ZNF273: variants seen among roughly 807,000 people sequenced by gnomAD.
ZNF273 encodes zinc finger protein 273.
ZNF273 carries 11 observed loss-of-function variants against 14.9 expected under a neutral mutation model. That is an observed-to-expected ratio of 0.74 (90% CI 0.46 to 1.22). ZNF273 has a LOEUF of 1.22. ZNF273 is among the 50% of genes most tolerant of loss of function. The pLI is 0.00. For missense variants in ZNF273, 577 were observed against 660.6 expected (o/e 0.87, Z 1.39); for synonymous variants, 199 against 223.9 (o/e 0.89, Z 0.99).
At chr7:64,936,295 A>C in the ZNF273 span, among the ~76,000 whole-genome samples, 1 of 152,262 alleles carries the variant, frequency 6.6e-6, no homozygotes, top group African/African-American at 2.4e-5. Context: ...AGATTCAGTA[A>C]GTATCTAGTC....
intron 1 of ZNF273, among the ~76,000 whole-genome samples, chr7:64,904,577 G>T (rs921961155): frequency 1.3e-5 from 2 of 152,152 alleles, no homozygotes; most frequent in East Asian, 1.9e-4. Flanking sequence ...ACTCTGGCTT[G>T]CAGTAAAATA....
chr7:64,879,215 A>G (rs1044080300), intron 2 of ZNF273, among the ~76,000 whole-genome samples: 2 of 152,136 alleles, frequency 1.3e-5, no homozygotes, highest in Non-Finnish European at 2.9e-5. Flanking sequence ...TTTCAGAGTC[A>G]AAAGAGACTG....
chr7:64,901,118 T>C (rs1301457402), upstream of ZNF273, among the ~76,000 whole-genome samples: 1 of 152,114 alleles, frequency 6.6e-6, no homozygotes, highest in East Asian at 1.9e-4. Context: ...TTCTCATACC[T>C]TAGCCTCCCG....
chr7:64,915,445 T>C (rs972758413), intron 1 of ZNF273, among the ~76,000 whole-genome samples: 1 of 152,220 alleles, frequency 6.6e-6, no homozygotes, highest in East Asian at 1.9e-4. Flanking sequence ...GCATTGTTTA[T>C]GTAGATTATA....
intron 1 of ZNF273, chr7:64,888,496 G>A: frequency 1.0e-6 from 1 of 985,866 alleles, no homozygotes; most frequent in Non-Finnish European, 1.2e-6. Flanking sequence ...ATGGGCCCAC[G>A]AATACCCTAT....
intron 1 of ZNF273, among the ~76,000 whole-genome samples, chr7:64,911,955 C>G (rs1389783517): frequency 6.6e-6 from 1 of 152,148 alleles, no homozygotes; most frequent in Non-Finnish European, 1.5e-5. Flanking sequence ...CAAAAAACTT[C>G]TTGATTCCTG....
At chr7:64,895,492 C>T (rs1792315677) in intron 3 of ZNF273, among the ~76,000 whole-genome samples, 1 of 152,096 alleles carries the variant, frequency 6.6e-6, no homozygotes, top group Non-Finnish European at 1.5e-5. Context: ...GCCTGTATGA[C>T]TTTTCTTTCC....
chr7:64,886,192 C>T (rs536422589), intron 1 of ZNF273, among the ~76,000 whole-genome samples: 4 of 152,366 alleles, frequency 2.6e-5, no homozygotes, highest in East Asian at 3.9e-4. Flanking sequence ...ACAGGCCCAG[C>T]TCAGCACACA....
At chr7:64,900,778 T>A (rs896192570), upstream of ZNF273, among the ~76,000 whole-genome samples, 1 of 152,212 alleles carries the variant, frequency 6.6e-6, no homozygotes, top group Non-Finnish European at 1.5e-5. Context: ...TCATACCCTA[T>A]GTACATCAGA....
At chr7:64,936,678 A>C in the ZNF273 span, among the ~76,000 whole-genome samples, 1 of 152,248 alleles carries the variant, frequency 6.6e-6, no homozygotes, top group Non-Finnish European at 1.5e-5. Flanking sequence ...CTTGAATGAG[A>C]TAAAAGTCTT....
exon 2 of ZNF273, chr7:64,888,664 C>A: frequency 4.1e-6 from 4 of 985,740 alleles, no homozygotes; most frequent in Non-Finnish European, 4.8e-6. Context: ...ACCAGGGGGC[C>A]GCGTCTTCGG....
downstream of ZNF273, among the ~76,000 whole-genome samples, chr7:64,890,800 G>A (rs1380994206): frequency 6.6e-6 from 1 of 152,224 alleles, no homozygotes; most frequent in Non-Finnish European, 1.5e-5. Context: ...TCAGTGATGG[G>A]GCAAAGGCTG....
At chr7:64,912,825 A>AGTTTTTTGTTGTTTTTTTTTT (rs138740277) in intron 1 of ZNF273, among the ~76,000 whole-genome samples, 1 of 16,848 alleles carries the variant, frequency 5.9e-5, no homozygotes, top group Non-Finnish European at 3.5e-4. Context: ...GATTCATTTT[A>AGTTTTTTGTTGTTTTTTTTTT]GTTTTTTTTT....
At chr7:64,894,915 G>C (rs1211786780) in intron 3 of ZNF273, among the ~76,000 whole-genome samples, 1 of 151,820 alleles carries the variant, frequency 6.6e-6, no homozygotes, top group Middle Eastern at 3.2e-3. Context: ...GGATCACGAG[G>C]TCAGGAGTTC....
intron 3 of ZNF273, among the ~76,000 whole-genome samples, chr7:64,926,767 GTC>G (rs1228782059): frequency 6.6e-6 from 1 of 152,166 alleles, no homozygotes; most frequent in Non-Finnish European, 1.5e-5. Context: ...GATTTTGGTA[GTC>G]TCTCAAACAT....
At chr7:64,916,705 T>C (rs1467044320) in intron 1 of ZNF273, among the ~76,000 whole-genome samples, 1 of 146,220 alleles carries the variant, frequency 6.8e-6, no homozygotes, top group South Asian at 2.3e-4. Flanking sequence ...TGTTTTTCTG[T>C]GTGCCTCAGC....
At chr7:64,932,848 G>A (rs1289254336), downstream of ZNF273, among the ~76,000 whole-genome samples, 4 of 152,024 alleles carry the variant, frequency 2.6e-5, no homozygotes, top group Admixed American at 6.6e-5. Flanking sequence ...TTTGAACGCG[G>A]GAGTAACGTT....
chr7:64,930,686 G>C lies in ZNF273; in HGVS notation c.*1648G>C, dbSNP rs1371689159. ...CTTTTGCCAGTGGCTTTAAACTGCA[G>C]ATAAGTTAAATATTCCCATAGGTTT... On this transcript the variant is annotated 3_prime_UTR_variant, in exon 4 of 4. Transcript: ENST00000476120. 5.3e-5 allele frequency: 8 copies of C among 151,972 alleles called. No homozygotes were observed. The highest frequency in any genetic ancestry group is 5.2e-4 in the Admixed American group (8 of 15,240). The allele number at this position is 151,972 out of a possible 1,614,324, so 9.4% of individuals were successfully genotyped here. A position where few individuals can be genotyped will look rare whatever the true frequency, so the allele number is the denominator to read the frequency against.
intron 3 of ZNF273, 73 bp downstream of exon 3, chr7:64,918,365 C>A: frequency 7.1e-7 from 1 of 1,399,956 alleles, no homozygotes; most frequent in Non-Finnish European, 9.5e-7. Flanking sequence ...AAAGTCAGTT[C>A]TTAAAATGTG....
Sources: gnomAD v4.1 joint callset for allele counts (sites outside exome capture counted in the v4.1 genomes callset) on GRCh38, gnomAD v4.1.1 for gene constraint, MANE v1.5 for transcripts, NCBI Gene and HGNC (gene_info 2026-07-23, HGNC 2026-07-21) for gene names.